SORCS1: variants seen among roughly 807,000 people sequenced by gnomAD.
SORCS1 encodes sortilin related VPS10 domain containing receptor 1.
SORCS1 carries 60 observed loss-of-function variants against 146.1 expected under a neutral mutation model. That is an observed-to-expected ratio of 0.41 (90% CI 0.33 to 0.51). The LOEUF is 0.51. Among genes scored for constraint, SORCS1 ranks in the 20% least tolerant of loss-of-function variants. The probability of loss-of-function intolerance (pLI) is 0.21; values close to 1 mark genes in which losing one functional copy is unlikely to be tolerated. For missense variants in SORCS1, 1,352 were observed against 1,487.6 expected (o/e 0.91, Z 1.50); for synonymous variants, 637 against 584.0 (o/e 1.09, Z -1.31).
At chr10:106,909,554 A>C (rs141732672) in intron 2 of SORCS1, among the ~76,000 whole-genome samples, 3 of 152,312 alleles carry the variant, frequency 2.0e-5, no homozygotes, top group African/African-American at 7.2e-5. Context: ...GCAAAACAGC[A>C]TATGGGCATG....
intron 1 of SORCS1, among the ~76,000 whole-genome samples, chr10:106,970,715 C>T (rs891612185): frequency 2.6e-5 from 4 of 151,706 alleles, no homozygotes; most frequent in South Asian, 4.2e-4. Flanking sequence ...ACCAAAAGAC[C>T]GCAATGCTTC....
chr10:106,776,243 G>C (rs1220709094), intron 4 of SORCS1, among the ~76,000 whole-genome samples: 1 of 152,182 alleles, frequency 6.6e-6, no homozygotes, highest in South Asian at 2.1e-4. Context: ...CTCCAATTCA[G>C]TGGGGGTCAG....
At chr10:106,876,908 G>C (rs1300259084) in intron 2 of SORCS1, among the ~76,000 whole-genome samples, 1 of 152,126 alleles carries the variant, frequency 6.6e-6, no homozygotes, top group Non-Finnish European at 1.5e-5. Flanking sequence ...AACTGAAGAG[G>C]GGGCATTTTC....
intron 1 of SORCS1, among the ~76,000 whole-genome samples, chr10:106,983,204 CTA>C (rs985735614): frequency 6.9e-6 from 1 of 145,326 alleles, no homozygotes; most frequent in Non-Finnish European, 1.5e-5. Flanking sequence ...ATACATATTT[CTA>C]TATATAAATA....
intron 24 of SORCS1, among the ~76,000 whole-genome samples, chr10:106,592,256 C>G (rs1047623245): frequency 6.6e-6 from 1 of 152,152 alleles, no homozygotes; most frequent in Non-Finnish European, 1.5e-5. Flanking sequence ...TGGCTAGGAA[C>G]AAAACAAGGA....
intron 6 of SORCS1, among the ~76,000 whole-genome samples, chr10:106,723,137 A>C (rs1855896463): frequency 6.6e-6 from 1 of 152,232 alleles, no homozygotes; most frequent in South Asian, 2.1e-4. Context: ...CCTGGGCAAC[A>C]TGGTGAGACC....
At chr10:106,652,265 A>AT in intron 18 of SORCS1, 117 bp downstream of exon 18, 1 of 1,122,208 alleles carries the variant, frequency 8.9e-7, no homozygotes, top group Non-Finnish European at 1.2e-6. Context: ...TAAAATAAAA[A>AT]TTTTTAAATA....
chr10:106,844,414 G>A (rs1365718059), intron 2 of SORCS1, among the ~76,000 whole-genome samples: 1 of 151,842 alleles, frequency 6.6e-6, no homozygotes, highest in Non-Finnish European at 1.5e-5. Context: ...TTTCTTCTAT[G>A]TTTTCTTCTA....
intron 4 of SORCS1, among the ~76,000 whole-genome samples, chr10:106,774,599 C>T (rs369510104): frequency 4.1e-4 from 63 of 152,152 alleles, no homozygotes; most frequent in African/African-American, 1.5e-3. Context: ...AATAGAAATC[C>T]GACATATCCA....
chr10:107,113,807 A>G (rs1965852591), intron 1 of SORCS1, among the ~76,000 whole-genome samples: 1 of 151,994 alleles, frequency 6.6e-6, no homozygotes, highest in South Asian at 2.1e-4. Flanking sequence ...CATAATAAAG[A>G]CCAGACCTGA....
chr10:106,732,415 C>A (rs1395642027), intron 5 of SORCS1, among the ~76,000 whole-genome samples: 2 of 152,148 alleles, frequency 1.3e-5, no homozygotes, highest in Non-Finnish European at 2.9e-5. Flanking sequence ...CCGCAGGTGA[C>A]CTTTTCTGAC....
intron 3 of SORCS1, among the ~76,000 whole-genome samples, chr10:106,824,522 G>C (rs1450623481): frequency 6.6e-6 from 1 of 150,942 alleles, no homozygotes; most frequent in Non-Finnish European, 1.5e-5. Context: ...CCGGGAGGCG[G>C]AGGTTGCAGT....
intron 1 of SORCS1, among the ~76,000 whole-genome samples, chr10:107,098,554 G>C (rs1964690051): frequency 6.6e-6 from 1 of 152,188 alleles, no homozygotes; most frequent in Non-Finnish European, 1.5e-5. Flanking sequence ...ATCAAATTGA[G>C]AATTTACTGT....
chr10:106,774,013 C>A (rs1183410907), intron 4 of SORCS1, among the ~76,000 whole-genome samples: 2 of 151,940 alleles, frequency 1.3e-5, no homozygotes, highest in Non-Finnish European at 2.9e-5. Flanking sequence ...TGTAGAATAT[C>A]CACATGTGAT....
intron 1 of SORCS1, among the ~76,000 whole-genome samples, chr10:106,970,336 C>CTTTTTTTTTTTTTTTGTTTTT (rs1955714410): frequency 1.1e-5 from 1 of 89,454 alleles, no homozygotes; most frequent in African/African-American, 5.4e-5. Flanking sequence ...ACCAACATCT[C>CTTTTTTTTTTTTTTTGTTTTT]TTTTTTTTTT....
At chr10:106,961,005 A>C (rs1403160671) in intron 1 of SORCS1, among the ~76,000 whole-genome samples, 1 of 152,188 alleles carries the variant, frequency 6.6e-6, no homozygotes, top group Non-Finnish European at 1.5e-5. Context: ...ACCATCACAA[A>C]GGACTCTGTG....
chr10:106,750,929 G>C (rs181625258), intron 5 of SORCS1, among the ~76,000 whole-genome samples: 2 of 148,532 alleles, frequency 1.3e-5, no homozygotes, highest in African/African-American at 2.5e-5. Context: ...GCGTGGTGGC[G>C]GGCGCCGTAG....
chr10:106,891,501 A>ATTTTTTTTTTTTTTTTTTTT (rs562213104), intron 2 of SORCS1, among the ~76,000 whole-genome samples: 2 of 74,062 alleles, frequency 2.7e-5, no homozygotes, highest in Non-Finnish European at 5.7e-5. Flanking sequence ...TTCAATGGGA[A>ATTTTTTTTTTTTTTTTTTTT]TTCTTTTTTT....
At chr10:106,789,465 T>C (rs533201796) in intron 3 of SORCS1, among the ~76,000 whole-genome samples, 8 of 152,222 alleles carry the variant, frequency 5.3e-5, no homozygotes, top group Admixed American at 5.2e-4. Flanking sequence ...CCAGATACCC[T>C]AAATCATCTC....
Sources: gnomAD v4.1 joint callset for allele counts (sites outside exome capture counted in the v4.1 genomes callset) on GRCh38, gnomAD v4.1.1 for gene constraint, MANE v1.5 for transcripts, NCBI Gene and HGNC (gene_info 2026-07-23, HGNC 2026-07-21) for gene names.